The following BTRC variants were observed in gnomAD, a reference collection of about 807,000 sequenced individuals.
BTRC encodes F-box/WD repeat-containing protein 1A.
In BTRC, 42 loss-of-function variants were observed where a neutral mutation model predicts 85.5. That is an observed-to-expected ratio of 0.49 (90% CI 0.38 to 0.64). The LOEUF (loss-of-function observed/expected upper bound fraction) is 0.64. Among genes scored for constraint, BTRC ranks in the 30% least tolerant of loss-of-function variants. The pLI is 0.00. For missense variants in BTRC, 594 were observed against 743.5 expected (o/e 0.80, Z 2.34); for synonymous variants, 255 against 263.3 (o/e 0.97, Z 0.30).
intron 1 of BTRC, among the ~76,000 whole-genome samples, chr10:101,369,747 G>C (rs569058054): frequency 6.6e-6 from 1 of 152,176 alleles, no homozygotes; most frequent in African/African-American, 2.4e-5. Context: ...AAAACCATGA[G>C]TTCACACTGA....
intron 1 of BTRC, among the ~76,000 whole-genome samples, chr10:101,355,781 A>G (rs1942017008): frequency 6.6e-6 from 1 of 152,224 alleles, no homozygotes; most frequent in Non-Finnish European, 1.5e-5. Flanking sequence ...AGTCAAATTC[A>G]CTAAAACTTT....
chr10:101,538,241 T>A (rs548228305), intron 12 of BTRC, 52 bp from the exon 13 acceptor site: 2 of 1,441,982 alleles, frequency 1.4e-6, no homozygotes, highest in East Asian at 2.3e-5. Context: ...CTTCCCTGCC[T>A]TCTCTTACAT....
At chr10:101,532,463 A>G in intron 8 of BTRC, 31 bp downstream of exon 8, 1 of 1,569,262 alleles carries the variant, frequency 6.4e-7, no homozygotes, top group Non-Finnish European at 8.6e-7. Context: ...GAAAGGTAGC[A>G]GAGGGAGCAA....
chr10:101,452,731 T>G (rs1944982222), intron 2 of BTRC, among the ~76,000 whole-genome samples: 1 of 152,184 alleles, frequency 6.6e-6, no homozygotes, highest in African/African-American at 2.4e-5. Flanking sequence ...AAAAGAGCAC[T>G]CCTTGAAAGC....
chr10:101,550,951 G>T, intron 14 of BTRC, 60 bp downstream of exon 14: 2 of 1,420,870 alleles, frequency 1.4e-6, no homozygotes, highest in Non-Finnish European at 9.5e-7. Context: ...TAGCTGTAAG[G>T]TGTTGCTAGT....
chr10:101,366,851 AATATATATTTATATATTAATATATATTT>A lies in BTRC; in HGVS notation c.48+12640_48+12667del, dbSNP rs1564729931. On this transcript the variant is annotated intron_variant, in intron 1 of 14. Coordinates refer to ENST00000370187, the MANE Select transcript of BTRC (RefSeq NM_033637.4). ...ATATTTATATATATTTATGTATATTAATATATATTTATATATTAATATATATTTATATATATTTATATATATTTATATA... is the reference window on the plus strand; with the variant it reads ...ATATTTATATATATTTATGTATATTAATATATATTTATATATATTTATATA... 4.5e-3 allele frequency among the ~76,000 whole-genome samples: 115 copies of A among 25,620 alleles called. 20 individuals are homozygous for A. The highest frequency in any genetic ancestry group is 0.018 in the African/African-American group (95 of 5,194). 16.8% of individuals were successfully genotyped at this position (25,620 alleles called of 152,430 possible). A position where few individuals can be genotyped will look rare whatever the true frequency, so the allele number is the denominator to read the frequency against.
At chr10:101,471,478 T>C (rs1056449940) in intron 3 of BTRC, among the ~76,000 whole-genome samples, 2 of 152,208 alleles carry the variant, frequency 1.3e-5, no homozygotes, top group Non-Finnish European at 2.9e-5. Flanking sequence ...TACGACAAAT[T>C]ACCTTGATTT....
chr10:101,439,360 T>A (rs1425284698), intron 2 of BTRC, among the ~76,000 whole-genome samples: 1 of 152,234 alleles, frequency 6.6e-6, no homozygotes, highest in Non-Finnish European at 1.5e-5. Flanking sequence ...AGGTCGTGTT[T>A]CTGGTACGTT....
At chr10:101,454,343 G>A (rs748543257) in intron 2 of BTRC, among the ~76,000 whole-genome samples, 1 of 151,978 alleles carries the variant, frequency 6.6e-6, no homozygotes, top group African/African-American at 2.4e-5. Context: ...ATTTAGTTAG[G>A]GAATTTCCAG....
chr10:101,422,508 A>G (rs933492152), intron 1 of BTRC, among the ~76,000 whole-genome samples: 1 of 152,162 alleles, frequency 6.6e-6, no homozygotes, highest in Non-Finnish European at 1.5e-5. Context: ...TTTTGTTGCT[A>G]TGGCTTTTGG....
intron 1 of BTRC, among the ~76,000 whole-genome samples, chr10:101,393,335 AATTG>A (rs1387538218): frequency 6.6e-6 from 1 of 152,206 alleles, no homozygotes; most frequent in Non-Finnish European, 1.5e-5. Context: ...TCAGCAAATT[AATTG>A]AACCCACAGA....
At chr10:101,386,376 A>G (rs1219657389) in intron 1 of BTRC, among the ~76,000 whole-genome samples, 4 of 152,202 alleles carry the variant, frequency 2.6e-5, no homozygotes, top group African/African-American at 7.2e-5. Flanking sequence ...TATGCTCTGC[A>G]GTTCTGGGGA....
At chr10:101,409,379 C>A (rs1457327175) in intron 1 of BTRC, among the ~76,000 whole-genome samples, 1 of 152,136 alleles carries the variant, frequency 6.6e-6, no homozygotes, top group South Asian at 2.1e-4. Context: ...GAGGTTTAGT[C>A]ATGTTATAGC....
intron 1 of BTRC, among the ~76,000 whole-genome samples, chr10:101,393,044 T>C (rs1391922221): frequency 6.6e-6 from 1 of 152,068 alleles, no homozygotes; most frequent in African/African-American, 2.4e-5. Flanking sequence ...TCCTTTCTGA[T>C]TGTGGATCTT....
intron 1 of BTRC, among the ~76,000 whole-genome samples, chr10:101,410,949 T>G (rs1048250512): frequency 6.6e-6 from 1 of 152,018 alleles, no homozygotes; most frequent in East Asian, 1.9e-4. Flanking sequence ...TTTAAAAAAA[T>G]TTTAAATGAA....
Position 101,389,115 on chromosome 10 carries a change from G to GTTTTTTTTTTTTTTTTTTTTT in BTRC, c.48+34888_48+34889insTTTTTTTTTTTTTTTTTTTTT, listed in dbSNP as rs1471017781. Among the ~76,000 whole-genome samples, 10 of 35,462 alleles carry GTTTTTTTTTTTTTTTTTTTTT rather than the reference G, an allele frequency of 2.8e-4. 1 individual carries two copies. Among genetic ancestry groups the GTTTTTTTTTTTTTTTTTTTTT allele is most frequent in the South Asian group, 1.0e-3 (1 of 992 alleles). 23.3% of individuals were successfully genotyped at this position (35,462 alleles called of 152,430 possible). A position where few individuals can be genotyped will look rare whatever the true frequency, so the allele number is the denominator to read the frequency against. On this transcript the variant is annotated intron_variant, in intron 1 of 14. Coordinates refer to ENST00000370187, the MANE Select transcript of BTRC (RefSeq NM_033637.4). ...ATGTTGCATAATTGTGATTTTTTGT[G>GTTTTTTTTTTTTTTTTTTTTT]TGTGTTTTTTTTTTTTTTTTTTTTT...
In BTRC at chr10:101,387,528, C is replaced by CCTTTTTT. The variant is rs1399986557; in HGVS notation, c.48+33300_48+33301insCTTTTTT. On this transcript the variant is annotated intron_variant, in intron 1 of 14. Transcript: ENST00000370187. Reference sequence around the variant, plus strand: ...TGTGGCTTTTTATACCTTCATGGGACTTTTTTTTTTTTTTTTTTGAGATAG... The same window carrying CCTTTTTT: ...TGTGGCTTTTTATACCTTCATGGGACCTTTTTTTTTTTTTTTTTTTTTTTTGAGATAG... Among the ~76,000 whole-genome samples, 75 of 45,108 alleles carry CCTTTTTT rather than the reference C, an allele frequency of 1.7e-3. 11 individuals are homozygous for CCTTTTTT. Among genetic ancestry groups the CCTTTTTT allele is most frequent in the African/African-American group, 0.011 (72 of 6,546 alleles). 29.6% of individuals were successfully genotyped at this position (45,108 alleles called of 152,430 possible). A position where few individuals can be genotyped will look rare whatever the true frequency, so the allele number is the denominator to read the frequency against.
At position 101,554,837 on chromosome 10, in the gene BTRC, C is replaced by G. The variant is rs1444263819; in HGVS notation, c.*1714C>G. 2.6e-5 allele frequency: 4 copies of G among 152,240 alleles called. No individual in the cohort carries two copies. The highest frequency in any genetic ancestry group is 7.2e-5 in the African/African-American group (3 of 41,452). The allele number at this position is 152,240 out of a possible 1,614,324, so 9.4% of individuals were successfully genotyped here. Reference sequence around the variant, plus strand: ...CAGAATACTATTAATGTGCACCCAGCTGGTCTCCCCAGGCAAGAAGGTATC... The same window carrying G: ...CAGAATACTATTAATGTGCACCCAGGTGGTCTCCCCAGGCAAGAAGGTATC... On this transcript the variant is annotated 3_prime_UTR_variant, in exon 15 of 15. Coordinates refer to ENST00000370187, the MANE Select transcript of BTRC (RefSeq NM_033637.4).
At chr10:101,476,737 CT>C (rs1209860210) in intron 3 of BTRC, among the ~76,000 whole-genome samples, 1 of 152,076 alleles carries the variant, frequency 6.6e-6, no homozygotes, top group Non-Finnish European at 1.5e-5. Context: ...AGCCACTGTG[CT>C]TGAACTTTAC....
Sources: gnomAD v4.1 joint callset for allele counts (sites outside exome capture counted in the v4.1 genomes callset) on GRCh38, gnomAD v4.1.1 for gene constraint, MANE v1.5 for transcripts, NCBI Gene and HGNC (gene_info 2026-07-23, HGNC 2026-07-21) for gene names.